Variants in NBAS observed in about 807,000 individuals in gnomAD.
NBAS encodes NBAS subunit of NRZ tethering complex, also known as NAG/BC035112 fusion.
Under a neutral mutation model 302.5 loss-of-function variants are expected in NBAS, and 219 were observed. The ratio of observed to expected loss-of-function variants is 0.72; its 90% confidence interval spans 0.65 to 0.81. The LOEUF (loss-of-function observed/expected upper bound fraction) is 0.81, where lower values mean the gene tolerates loss of function less well. NBAS is among the 30% of genes least tolerant of loss of function. The pLI, the probability that NBAS is intolerant of heterozygous loss-of-function variation, is 0.00. For synonymous variants in NBAS, 1,118 were observed against 1,021.6 expected, an observed-to-expected ratio of 1.09 and a Z score of -1.80; for missense variants, 2,932 against 2,841.6, an observed-to-expected ratio of 1.03 and a Z score of -0.72.
chr2:15,224,991 C>T lies in NBAS; in HGVS notation c.6237-6023G>A, dbSNP rs187204405. Among the ~76,000 whole-genome samples, 679 of 152,040 alleles carry T rather than the reference C, an allele frequency of 4.5e-3. 1 individual carries two copies. Among genetic ancestry groups the T allele is most frequent in the Non-Finnish European group, 6.3e-3 (428 of 68,004 alleles). The stretch of plus-strand genomic sequence containing the variant: ...AAATAAACAAATGTGTAAATGGTAC[C>T]GTAGTAATATAAAAAGGGTGAATTT... On this transcript the variant is annotated intron_variant, in intron 47 of 51. Transcript: ENST00000281513.
chr2:14,848,427 C>T, the NBAS span, among the ~76,000 whole-genome samples: 138 of 142,050 alleles, frequency 9.7e-4, no homozygotes, highest in African/African-American at 3.7e-3. Context: ...GAGGGTCCTA[C>T]GCCCACGGAA....
At chr2:15,005,742 G>A in the NBAS span, among the ~76,000 whole-genome samples, 2 of 152,328 alleles carry the variant, frequency 1.3e-5, no homozygotes, top group South Asian at 2.1e-4. Context: ...AGCAAGAGTT[G>A]AGAACACTGC....
At chr2:15,394,586 T>G (rs1206044316) in intron 27 of NBAS, among the ~76,000 whole-genome samples, 1 of 152,144 alleles carries the variant, frequency 6.6e-6, no homozygotes, top group Admixed American at 6.5e-5. Context: ...AGTAGCATAC[T>G]AAAAGAAAGC....
chr2:15,394,155 C>T, intron 28 of NBAS, 72 bp downstream of exon 28: 1 of 1,469,542 alleles, frequency 6.8e-7, no homozygotes, highest in Non-Finnish European at 9.1e-7. Context: ...ATGAGGTTGT[C>T]AGAAAAAGAG....
At chr2:14,981,127 CAT>C in the NBAS span, among the ~76,000 whole-genome samples, 1 of 151,938 alleles carries the variant, frequency 6.6e-6, no homozygotes, top group Non-Finnish European at 1.5e-5. Context: ...ATAAATGAAG[CAT>C]ATGAGTTTCA....
At chr2:15,056,833 CTT>C in the NBAS span, among the ~76,000 whole-genome samples, 118 of 126,034 alleles carry the variant, frequency 9.4e-4, no homozygotes, top group Middle Eastern at 3.8e-3. Flanking sequence ...TTTTTTTTTT[CTT>C]TTTTTTTTTT....
In NBAS at chr2:15,190,359, T is replaced by G; in HGVS notation, c.6477A>C (p.Leu2159=). 6.2e-7 allele frequency: 1 copy of G among 1,614,022 alleles called. No individual in the cohort carries two copies. The highest frequency in any genetic ancestry group is 8.5e-7 in the Non-Finnish European group (1 of 1,179,920). Residue 2159 remains leucine (L), a synonymous_variant, in exon 49 of 52, where the codon CTA becomes CTC. Transcript: ENST00000281513. Reference sequence around the variant, plus strand: ...GACTAGATTCCAGGAGTTCCATGAATAGACAGTAGCGGTTCTCTTCATTCT... The same window carrying G: ...GACTAGATTCCAGGAGTTCCATGAAGAGACAGTAGCGGTTCTCTTCATTCT... ...DIENEENRYC[L]FMELLESSHH...
At chr2:15,191,868 CCTGT>C (rs1310539816) in intron 48 of NBAS, among the ~76,000 whole-genome samples, 1 of 152,216 alleles carries the variant, frequency 6.6e-6, no homozygotes, top group African/African-American at 2.4e-5. Flanking sequence ...CCACCTTCAA[CCTGT>C]CTCCAGCCTC....
At chr2:15,347,615 G>C (rs983853052) in intron 35 of NBAS, among the ~76,000 whole-genome samples, 1 of 152,148 alleles carries the variant, frequency 6.6e-6, no homozygotes, top group Non-Finnish European at 1.5e-5. Context: ...TTCCCACAGT[G>C]CAAATGATTT....
chr2:15,094,916 T>C, the NBAS span, among the ~76,000 whole-genome samples: 1 of 152,196 alleles, frequency 6.6e-6, no homozygotes, highest in Non-Finnish European at 1.5e-5. Flanking sequence ...AAACCACAAC[T>C]TTCTTTTTAT....
chr2:15,404,867 T>C (rs1262968225), intron 25 of NBAS, among the ~76,000 whole-genome samples: 1 of 152,130 alleles, frequency 6.6e-6, no homozygotes, highest in Non-Finnish European at 1.5e-5. Context: ...ACCACATATG[T>C]TCAAACTTTA....
the NBAS span, among the ~76,000 whole-genome samples, chr2:15,123,397 G>T: frequency 1.3e-5 from 2 of 152,102 alleles, no homozygotes; most frequent in African/African-American, 4.8e-5. Context: ...CAGGTGAAGG[G>T]AGCTGATATA....
intron 48 of NBAS, among the ~76,000 whole-genome samples, chr2:15,206,890 C>A (rs930083494): frequency 6.6e-6 from 1 of 152,184 alleles, no homozygotes; most frequent in Non-Finnish European, 1.5e-5. Context: ...GGGTTGCAGC[C>A]CTCATGGAGA....
At chr2:14,803,979 G>A in the NBAS span, among the ~76,000 whole-genome samples, 15 of 152,162 alleles carry the variant, frequency 9.9e-5, no homozygotes. Context: ...TTACAGATAA[G>A]AAGCTAATTC....
intron 26 of NBAS, 26 bp downstream of exon 26, chr2:15,402,142 A>T: frequency 6.2e-7 from 1 of 1,612,952 alleles, no homozygotes. Flanking sequence ...AAAACACAAT[A>T]AGACTGGCAT....
chr2:15,087,252 ACACACC>A, the NBAS span, among the ~76,000 whole-genome samples: 3,035 of 144,444 alleles, frequency 0.021, 102 homozygotes, highest in African/African-American at 0.074. Flanking sequence ...ACACACACAC[ACACACC>A]CCATATTGGT....
At chr2:14,802,648 A>C in the NBAS span, among the ~76,000 whole-genome samples, 1 of 151,214 alleles carries the variant, frequency 6.6e-6, no homozygotes, top group Admixed American at 6.6e-5. Flanking sequence ...CCAAATGTCC[A>C]ACAATGATAG....
the NBAS span, among the ~76,000 whole-genome samples, chr2:14,780,465 G>A: frequency 3.0e-4 from 45 of 152,324 alleles, no homozygotes; most frequent in African/African-American, 9.9e-4. Context: ...GATTTAAAGA[G>A]CTAAGACTTT....
chr2:15,383,360 CAATT>C (rs778703716), intron 28 of NBAS, 43 bp from the exon 29 acceptor site: 28 of 1,551,444 alleles, frequency 1.8e-5, no homozygotes, highest in Non-Finnish European at 2.5e-5. Context: ...GGAAAGAAAA[CAATT>C]AAAATCTCTT....
Sources: gnomAD v4.1 joint callset for allele counts (sites outside exome capture counted in the v4.1 genomes callset) on GRCh38, gnomAD v4.1.1 for gene constraint, MANE v1.5 for transcripts, NCBI Gene and HGNC (gene_info 2026-07-23, HGNC 2026-07-21) for gene names.